LAMB1: variants seen among roughly 807,000 people sequenced by gnomAD.
The protein encoded by LAMB1 is laminin subunit beta 1.
In LAMB1, 121 loss-of-function variants were observed where a neutral mutation model predicts 222.3. That is an observed-to-expected ratio of 0.54 (90% confidence interval 0.47 to 0.63). LAMB1 has a LOEUF of 0.63. Ranked by LOEUF, LAMB1 falls within the 30% of genes least tolerant of loss-of-function variation. The probability of loss-of-function intolerance (pLI) is 0.00; values close to 1 mark genes in which losing one functional copy is unlikely to be tolerated. For synonymous variants in LAMB1, 794 were observed against 807.2 expected, an observed-to-expected ratio of 0.98 and a Z score of 0.28; for missense variants, 2,172 against 2,240.8, an observed-to-expected ratio of 0.97 and a Z score of 0.62.
At chr7:107,948,271 A>G (rs1450463108) in intron 24 of LAMB1, among the ~76,000 whole-genome samples, 2 of 152,126 alleles carry the variant, frequency 1.3e-5, no homozygotes, top group Non-Finnish European at 2.9e-5. Context: ...ACAGGCGTGA[A>G]CCACCGTGCC....
chr7:107,997,453 A>C (rs1192247010), intron 4 of LAMB1, among the ~76,000 whole-genome samples: 2 of 152,176 alleles, frequency 1.3e-5, no homozygotes, highest in African/African-American at 2.4e-5. Flanking sequence ...ACAAACAGTC[A>C]ATGACAAAGA....
In LAMB1 at chr7:108,002,313, T is replaced by C. The variant is rs1316354543; in HGVS notation, c.37+536A>G. On this transcript the variant is annotated intron_variant, in intron 2 of 33. Coordinates refer to ENST00000222399, the MANE Select transcript of LAMB1 (RefSeq NM_002291.3). ...CGCTTTCCGGAGCTAGGGGAGCCCA[T>C]GGACAGTCCCTGGGGCTCTGGAGTG... 4.6e-6 allele frequency: 6 copies of C among 1,311,054 alleles called. No individual in the cohort carries two copies. The South Asian group carries it at 7.4e-5, about 16-fold the overall frequency. The allele number at this position is 1,311,054 out of a possible 1,614,324, so 81.2% of individuals were successfully genotyped here. A position where few individuals can be genotyped will look rare whatever the true frequency, so the allele number is the denominator to read the frequency against.
At chr7:107,982,659 ACC>A (rs2033996112) in intron 7 of LAMB1, among the ~76,000 whole-genome samples, 1 of 151,964 alleles carries the variant, frequency 6.6e-6, no homozygotes, top group Non-Finnish European at 1.5e-5. Flanking sequence ...CCTTGAACTG[ACC>A]TTTGTGGAAA....
chr7:107,983,007 G>A (rs1191680712), intron 7 of LAMB1, among the ~76,000 whole-genome samples: 2 of 152,214 alleles, frequency 1.3e-5, no homozygotes, highest in African/African-American at 4.8e-5. Flanking sequence ...GGGACTTAGG[G>A]GGTGTCTGTC....
chr7:107,970,039 G>A (rs910530792), intron 13 of LAMB1, among the ~76,000 whole-genome samples: 11 of 152,134 alleles, frequency 7.2e-5, no homozygotes, highest in African/African-American at 1.4e-4. Context: ...CAGGTCCACC[G>A]TGCTGGGTGC....
intron 2 of LAMB1, chr7:108,002,223 G>C: frequency 7.5e-7 from 1 of 1,340,942 alleles, no homozygotes; most frequent in Non-Finnish European, 9.9e-7. Context: ...GAGTGCGTGT[G>C]CGTGCACGCG....
At chr7:108,001,168 T>A (rs765996392) in intron 3 of LAMB1, among the ~76,000 whole-genome samples, 1 of 152,196 alleles carries the variant, frequency 6.6e-6, no homozygotes, top group Non-Finnish European at 1.5e-5. Context: ...GAATCCTCTT[T>A]ACCCAAGTGA....
intron 25 of LAMB1, among the ~76,000 whole-genome samples, chr7:107,937,966 A>G (rs540253527): frequency 2.0e-5 from 3 of 152,304 alleles, no homozygotes; most frequent in African/African-American, 7.2e-5. Flanking sequence ...TACTTTTGAC[A>G]TCTATTTGTA....
intron 14 of LAMB1, among the ~76,000 whole-genome samples, chr7:107,963,664 G>C (rs1429229582): frequency 2.6e-5 from 4 of 152,184 alleles, no homozygotes; most frequent in Non-Finnish European, 5.9e-5. Flanking sequence ...CCATCAAGAG[G>C]TGCAAACTAT....
rs1548638 is a variant in LAMB1 at position 107,964,373 on chromosome 7, T to G, written c.1698+179A>C. 0.6 allele frequency among the ~76,000 whole-genome samples: 91,666 copies of G among 152,080 alleles called. 27,871 individuals are homozygous for G. The highest frequency in any genetic ancestry group is 0.69 in the East Asian group (3,584 of 5,172). ...AATGCTCCAAAGCCAATTTGTGAGT[T>G]ATAGAATTACTTAGCTTTAAATATG... On this transcript the variant is annotated intron_variant, in intron 14 of 33. Transcript: ENST00000222399.
At chr7:107,950,386 A>G (rs111338863) in intron 24 of LAMB1, among the ~76,000 whole-genome samples, 2,914 of 152,314 alleles carry the variant, frequency 0.019, 88 homozygotes, top group African/African-American at 0.066. Flanking sequence ...GAATATAAAA[A>G]CAGAGTTGCA....
At chr7:107,963,180 AT>A in intron 14 of LAMB1, 117 bp from the exon 15 acceptor site, 2 of 899,418 alleles carry the variant, frequency 2.2e-6, no homozygotes, top group Non-Finnish European at 3.3e-6. Flanking sequence ...CCTTATGTCT[AT>A]TTTTTATAGT....
rs770977919 is a variant in LAMB1, at chr7:107,953,664, A to G, written c.2945T>C (p.Ile982Thr). The G allele has an allele frequency of 5.0e-6, 8 of 1,613,970 alleles. No homozygotes were observed. The highest frequency in any genetic ancestry group is 6.8e-6 in the Non-Finnish European group (8 of 1,180,008). Residue 982 changes from isoleucine (I) to threonine (T), a missense_variant, in exon 22 of 34, where the codon ATT becomes ACT. By Grantham distance (89) the Ile-to-Thr change is moderately conservative. Transcript: ENST00000222399. ...SCQPCQCHNN[I>T]DTTDPEACDK... is the part of the protein sequence containing the mutation. ...ACAGGCTTCTGGGTCTGTCGTGTCA[A>G]TGTTGTTGTGACACTGGCAAGGCTG...
intron 24 of LAMB1, 119 bp from the exon 25 acceptor site, chr7:107,940,477 A>C: frequency 9.4e-7 from 1 of 1,065,812 alleles, no homozygotes. Context: ...ATCGACAACA[A>C]TTGACCAATG....
chr7:107,979,141 C>T (rs912978846), intron 8 of LAMB1, among the ~76,000 whole-genome samples: 3 of 152,228 alleles, frequency 2.0e-5, no homozygotes, highest in African/African-American at 7.2e-5. Flanking sequence ...AGTAACAGGA[C>T]ATTAGCTACA....
intron 22 of LAMB1, among the ~76,000 whole-genome samples, chr7:107,952,529 A>C (rs1481221853): frequency 6.6e-6 from 1 of 152,258 alleles, no homozygotes; most frequent in African/African-American, 2.4e-5. Flanking sequence ...GCTTAACTGG[A>C]AATAATTTTA....
At chr7:108,000,958 ATT>A (rs2034371243) in intron 3 of LAMB1, among the ~76,000 whole-genome samples, 1 of 152,200 alleles carries the variant, frequency 6.6e-6, no homozygotes, top group Non-Finnish European at 1.5e-5. Context: ...GAAATCTAAA[ATT>A]TGGGCCCTCT....
intron 8 of LAMB1, 119 bp downstream of exon 8, chr7:107,980,490 T>C (rs2033950457): frequency 2.6e-6 from 2 of 778,708 alleles, no homozygotes; most frequent in Non-Finnish European, 4.3e-6. Flanking sequence ...AAGGGCTAAA[T>C]GTAACTCTGT....
At chr7:107,932,630 T>C (rs2032741754) in intron 27 of LAMB1, 2 of 540,172 alleles carry the variant, frequency 3.7e-6, no homozygotes, top group African/African-American at 1.9e-5. Context: ...TAAAATACTA[T>C]ATGAGCTCTG....
Sources: gnomAD v4.1 joint callset for allele counts (sites outside exome capture counted in the v4.1 genomes callset) on GRCh38, gnomAD v4.1.1 for gene constraint, MANE v1.5 for transcripts, NCBI Gene and HGNC (gene_info 2026-07-23, HGNC 2026-07-21) for gene names.